COL4A6: variants seen among roughly 807,000 people sequenced by gnomAD.
COL4A6 encodes collagen type IV alpha 6 chain.
COL4A6 carries 59 observed loss-of-function variants against 126.7 expected under a neutral mutation model. The ratio of observed to expected loss-of-function variants is 0.47; its 90% CI spans 0.38 to 0.58. The LOEUF (loss-of-function observed/expected upper bound fraction) is 0.58, where lower values mean the gene tolerates loss of function less well. COL4A6 is among the 20% of genes least tolerant of loss of function. The pLI, the probability that COL4A6 is intolerant of heterozygous loss-of-function variation, is 0.00. For synonymous variants in COL4A6, 547 were observed against 496.6 expected (o/e 1.10, Z -1.35); for missense variants, 1,285 against 1,337.3 (o/e 0.96, Z 0.61).
Position 108,157,078 on chromosome X carries a change from C to G in COL4A6, c.4995G>C (p.Leu1665Phe). The change falls in exon 45 of 45, where the codon TTG becomes TTC. Residue 1665 changes from leucine (L) to phenylalanine (F), a missense_variant. Leu to Phe is a conservative substitution (Grantham distance 22). Transcript: ENST00000334504. ...CAGCTTTCAGCGTTTCAGACACAGG[C>G]AACTCCCCAAACTGCTGCCTCTCCT... The part of the protein sequence containing the change: ...TVEERQQFGE[L>F]PVSETLKAGQ... 8.3e-7 allele frequency: 1 copy of G among 1,211,763 alleles called. No individual in the cohort carries two copies. The highest frequency in any genetic ancestry group is 1.1e-6 in the Non-Finnish European group (1 of 895,472).
At chrX:108,357,397 A>G (rs2039984235) in intron 2 of COL4A6, among the ~76,000 whole-genome samples, 1 of 111,326 alleles carries the variant, frequency 9.0e-6, no homozygotes, top group Admixed American at 9.6e-5. Flanking sequence ...GTTTGACTCC[A>G]TCTCAGCTTT....
intron 19 of COL4A6, among the ~76,000 whole-genome samples, 166 bp from the exon 20 acceptor site, chrX:108,190,662 A>G (rs939704786): frequency 2.4e-4 from 27 of 111,874 alleles, no homozygotes; most frequent in African/African-American, 8.1e-4. Flanking sequence ...TGCAGCAAGG[A>G]GTCAACAGGA....
In COL4A6 at chrX:108,161,700, C is replaced by T; in HGVS notation, c.4252G>A (p.Gly1418Ser). 1 of 1,207,236 alleles carries T rather than the reference C, an allele frequency of 8.3e-7. No individual in the cohort carries two copies. Among genetic ancestry groups the T allele is most frequent in the Non-Finnish European group, 1.1e-6 (1 of 892,723 alleles). Reference protein sequence around the residue: ...KGLPGIPGKDGPSGLPGPPGA... With the variant: ...KGLPGIPGKDSPSGLPGPPGA... ...GGTGGGCCTGGGAGCCCACTGGGGCCATCTTTACCGGGGATGCCAGGTAAA... is the reference window on the plus strand; with the variant it reads ...GGTGGGCCTGGGAGCCCACTGGGGCTATCTTTACCGGGGATGCCAGGTAAA... Residue 1418 changes from glycine to serine, a missense_variant, in exon 42 of 45, where the codon GGC becomes AGC. Gly to Ser is a moderately conservative substitution (Grantham distance 56). Transcript: ENST00000334504.
intron 2 of COL4A6, among the ~76,000 whole-genome samples, chrX:108,336,323 A>G (rs2039431586): frequency 8.9e-6 from 1 of 112,304 alleles, no homozygotes; most frequent in Non-Finnish European, 1.9e-5. Flanking sequence ...AGCCATAAAA[A>G]GAAATGAAAT....
chrX:108,308,344 G>T (rs150149686), intron 3 of COL4A6, among the ~76,000 whole-genome samples: 1 of 111,734 alleles, frequency 8.9e-6, no homozygotes, highest in East Asian at 2.8e-4. Context: ...ACTTTTAAAG[G>T]CTCCCCAACC....
chrX:108,192,533 C>T lies in COL4A6; in HGVS notation c.1120G>A (p.Asp374Asn). 8.3e-7 allele frequency: 1 copy of T among 1,208,646 alleles called. No homozygotes were observed. Residue 374 changes from aspartate (D) to asparagine (N), a missense_variant, in exon 18 of 45, where the codon GAT (aspartate) becomes AAT (asparagine). By Grantham distance (23) the Asp-to-Asn change is conservative. Coordinates refer to ENST00000334504, the MANE Select transcript of COL4A6 (RefSeq NM_033641.4). Reference protein sequence around the residue: ...GVPGLPGLKGDEGIQGLRGPS... With the variant: ...GVPGLPGLKGNEGIQGLRGPS... The stretch of plus-strand genomic sequence containing the variant: ...CCACGTAGGCCTTGGATGCCTTCAT[C>T]TCCTTTAAGGCCTGGGAGGCCAGGT...
intron 2 of COL4A6, among the ~76,000 whole-genome samples, chrX:108,315,971 G>A (rs373909245): frequency 5.4e-5 from 6 of 111,813 alleles, no homozygotes; most frequent in Non-Finnish European, 7.5e-5. Flanking sequence ...GGGATTCTTC[G>A]TTTCTCCTGG....
chrX:108,414,117 T>C (rs2041385064), intron 2 of COL4A6, among the ~76,000 whole-genome samples: 2 of 112,347 alleles, frequency 1.8e-5, no homozygotes, highest in South Asian at 3.7e-4. Flanking sequence ...GAAAAGATTA[T>C]ATTCAATCTG....
chrX:108,300,725 G>A (rs942663700), intron 3 of COL4A6, among the ~76,000 whole-genome samples: 2 of 42,364 alleles, frequency 4.7e-5, no homozygotes, highest in African/African-American at 1.6e-4. Flanking sequence ...AAACATTGGC[G>A]TGTGTGTGTG....
rs750960524 is a variant in COL4A6 at position 108,234,726 on chromosome X, G to A, written c.145-13352C>T. 4.7e-3 allele frequency among the ~76,000 whole-genome samples: 530 copies of A among 112,104 alleles called. 3 individuals are homozygous for A. The highest frequency in any genetic ancestry group is 0.016 in the African/African-American group (502 of 30,888). ...TATGATTCTCAACCCAAGGACTGTT[G>A]ATGGGTTTATCTTGGAGATAGAGGA... On this transcript the variant is annotated intron_variant, in intron 3 of 44. Coordinates refer to ENST00000334504, the MANE Select transcript of COL4A6 (RefSeq NM_033641.4).
At chrX:108,309,349 T>C (rs2038704475) in intron 3 of COL4A6, among the ~76,000 whole-genome samples, 1 of 110,903 alleles carries the variant, frequency 9.0e-6, no homozygotes, top group Non-Finnish European at 1.9e-5. Flanking sequence ...AGGACCCAGA[T>C]AAAGGCCTGG....
intron 2 of COL4A6, among the ~76,000 whole-genome samples, chrX:108,382,975 A>AATAATAATG (rs989094067): frequency 9.7e-6 from 1 of 103,184 alleles, no homozygotes; most frequent in Admixed American, 1.1e-4. Context: ...TAATAATAAT[A>AATAATAATG]ATAATAATAA....
chrX:108,307,697 G>T (rs2038660471), intron 3 of COL4A6, among the ~76,000 whole-genome samples: 1 of 112,063 alleles, frequency 8.9e-6, no homozygotes, highest in Non-Finnish European at 1.9e-5. Flanking sequence ...GGAACAGCTT[G>T]AAATATAAAT....
chrX:108,258,799 T>C (rs769674670), intron 3 of COL4A6, among the ~76,000 whole-genome samples: 80 of 111,871 alleles, frequency 7.2e-4, no homozygotes, highest in Non-Finnish European at 1.4e-3. Context: ...ATAATAATGG[T>C]ATTTCTCACT....
chrX:108,431,769 G>A (rs934924486), intron 2 of COL4A6, among the ~76,000 whole-genome samples: 1 of 111,607 alleles, frequency 9.0e-6, no homozygotes, highest in Non-Finnish European at 1.9e-5. Context: ...TGCCCTCAAT[G>A]TGGGCTGGCA....
chrX:108,229,375 A>G (rs2036249232), intron 3 of COL4A6, among the ~76,000 whole-genome samples: 1 of 112,328 alleles, frequency 8.9e-6, no homozygotes, highest in Non-Finnish European at 1.9e-5. Flanking sequence ...TCATAGGGTA[A>G]TTATGAAGAC....
At chrX:108,384,743 C>G (rs746878770) in intron 2 of COL4A6, among the ~76,000 whole-genome samples, 1 of 111,968 alleles carries the variant, frequency 8.9e-6, no homozygotes, top group East Asian at 2.8e-4. Flanking sequence ...TAAATGTCGA[C>G]TCTCAACTGC....
Position 108,204,418 on chromosome X carries a change from A to T in COL4A6, c.688-6T>A. The T allele has an allele frequency of 8.4e-7, 1 of 1,190,183 alleles. No individual in the cohort carries two copies. The highest frequency in any genetic ancestry group is 2.3e-4 in the Middle Eastern group (1 of 4,278). On this transcript the variant is annotated splice_region_variant and splice_polypyrimidine_tract_variant and intron_variant, in intron 11 of 44. Coordinates refer to ENST00000334504, the MANE Select transcript of COL4A6 (RefSeq NM_033641.4). The stretch of plus-strand genomic sequence containing the variant: ...CCAGGGAGGCCAACATCCCCCTGTA[A>T]GATCAAATGGAACATTAAGCAAAGT...
At chrX:108,349,451 G>T (rs921688222) in intron 2 of COL4A6, among the ~76,000 whole-genome samples, 30 of 111,973 alleles carry the variant, frequency 2.7e-4, no homozygotes, top group African/African-American at 9.7e-4. Flanking sequence ...ATAGCCCTTG[G>T]TTTAGATCTT....
Sources: gnomAD v4.1 joint callset for allele counts (sites outside exome capture counted in the v4.1 genomes callset) on GRCh38, gnomAD v4.1.1 for gene constraint, MANE v1.5 for transcripts, NCBI Gene and HGNC (gene_info 2026-07-23, HGNC 2026-07-21) for gene names.